The following LRP1B variants were observed in gnomAD, a reference collection of about 807,000 sequenced individuals.
LRP1B encodes the protein LDL receptor related protein 1B.
LRP1B carries 217 observed loss-of-function variants against 556.6 expected under a neutral mutation model. That is an observed-to-expected ratio of 0.39 (90% confidence interval 0.35 to 0.44). The LOEUF is 0.44. Ranked by LOEUF, LRP1B falls within the 20% of genes least tolerant of loss-of-function variation. The pLI is 1.00. For synonymous variants in LRP1B, 2,047 were observed against 1,865.8 expected, an observed-to-expected ratio of 1.10 and a Z score of -2.50; for missense variants, 5,053 against 5,620.8, an observed-to-expected ratio of 0.90 and a Z score of 3.23.
intron 89 of LRP1B, among the ~76,000 whole-genome samples, chr2:140,237,549 A>G (rs1006101907): frequency 1.3e-5 from 2 of 150,894 alleles, no homozygotes; most frequent in African/African-American, 4.8e-5. Flanking sequence ...TGATGAAAAC[A>G]AAACTATCTT....
At chr2:140,551,608 T>C (rs1245778150) in intron 43 of LRP1B, among the ~76,000 whole-genome samples, 1 of 152,198 alleles carries the variant, frequency 6.6e-6, no homozygotes, top group East Asian at 1.9e-4. Flanking sequence ...AGCAGGTTAA[T>C]GTCATTATTG....
intron 77 of LRP1B, among the ~76,000 whole-genome samples, chr2:140,345,572 G>A (rs989587133): frequency 1.3e-4 from 19 of 149,724 alleles, no homozygotes; most frequent in Middle Eastern, 3.4e-3. Flanking sequence ...TGGCTTCATA[G>A]TTTTATGTAT....
intron 1 of LRP1B, among the ~76,000 whole-genome samples, chr2:141,972,976 G>A (rs1444037737): frequency 6.6e-6 from 1 of 151,378 alleles, no homozygotes; most frequent in Non-Finnish European, 1.5e-5. Flanking sequence ...TTATTTCTAA[G>A]ATTTACCAAT....
chr2:141,545,689 A>G (rs975710498), intron 2 of LRP1B, among the ~76,000 whole-genome samples: 1 of 152,114 alleles, frequency 6.6e-6, no homozygotes, highest in African/African-American at 2.4e-5. Flanking sequence ...AAATAATAAT[A>G]GTAATAATAA....
chr2:141,561,563 G>A (rs1686153633), intron 2 of LRP1B, among the ~76,000 whole-genome samples: 1 of 151,672 alleles, frequency 6.6e-6, no homozygotes, highest in Non-Finnish European at 1.5e-5. Flanking sequence ...ACAATGACCT[G>A]GCCATTTTCA....
In LRP1B at chr2:142,045,239, G is replaced by A. The variant is rs117810562; in HGVS notation, c.82+85409C>T. On this transcript the variant is annotated intron_variant, in intron 1 of 90. Transcript: ENST00000389484. ...ATTGTACCATTCCCACAGTGCTTCAGGATTGTCTTTTAGATTTCTACTTTT... is the reference window on the plus strand; with the variant it reads ...ATTGTACCATTCCCACAGTGCTTCAAGATTGTCTTTTAGATTTCTACTTTT... 5.9e-3 allele frequency among the ~76,000 whole-genome samples: 898 copies of A among 151,518 alleles called. 13 individuals are homozygous for A. In the East Asian group the frequency reaches 0.065, roughly 11 times the overall value.
intron 41 of LRP1B, among the ~76,000 whole-genome samples, chr2:140,695,489 CTG>C (rs1686399237): frequency 6.6e-6 from 1 of 152,140 alleles, no homozygotes; most frequent in Non-Finnish European, 1.5e-5. Context: ...TTTTTAGATG[CTG>C]TCTCTCTGTA....
chr2:142,012,581 C>T (rs553000585), intron 1 of LRP1B, among the ~76,000 whole-genome samples: 20 of 152,076 alleles, frequency 1.3e-4, no homozygotes, highest in African/African-American at 4.3e-4. Context: ...AACTGATGCC[C>T]CAAGACACCA....
At chr2:140,630,647 C>T (rs752010009) in intron 41 of LRP1B, among the ~76,000 whole-genome samples, 36 of 152,074 alleles carry the variant, frequency 2.4e-4, no homozygotes, top group Non-Finnish European at 4.0e-4. Flanking sequence ...AACGTCACCA[C>T]GTTCTCACAG....
intron 11 of LRP1B, among the ~76,000 whole-genome samples, chr2:141,041,359 G>A (rs1040977916): frequency 2.6e-5 from 4 of 152,036 alleles, no homozygotes; most frequent in Non-Finnish European, 5.9e-5. Context: ...GGTTTCACCG[G>A]GCTAAAGTCT....
At chr2:140,687,465 G>T (rs1226586752) in intron 41 of LRP1B, among the ~76,000 whole-genome samples, 2 of 152,096 alleles carry the variant, frequency 1.3e-5, no homozygotes, top group African/African-American at 4.8e-5. Context: ...AAAAGATTTG[G>T]CATATAATCT....
At chr2:140,337,114 G>A (rs570807090) in intron 77 of LRP1B, among the ~76,000 whole-genome samples, 2 of 151,732 alleles carry the variant, frequency 1.3e-5, no homozygotes, top group Non-Finnish European at 2.9e-5. Flanking sequence ...AAAAGAACAC[G>A]GGATGCCAAG....
chr2:141,229,540 A>C, intron 5 of LRP1B, 100 bp from the exon 6 acceptor site: 3 of 875,608 alleles, frequency 3.4e-6, no homozygotes, highest in East Asian at 2.8e-5. Context: ...ACTTTTAATA[A>C]ATTCATAACA....
intron 1 of LRP1B, among the ~76,000 whole-genome samples, chr2:141,885,226 G>T (rs1018271297): frequency 6.6e-6 from 1 of 152,130 alleles, no homozygotes; most frequent in Non-Finnish European, 1.5e-5. Context: ...AAAGAGAGTA[G>T]ATAACAGAAA....
intron 35 of LRP1B, among the ~76,000 whole-genome samples, chr2:140,745,603 G>A (rs1028957136): frequency 2.0e-5 from 3 of 152,024 alleles, no homozygotes; most frequent in African/African-American, 7.2e-5. Context: ...CATTTTGTGA[G>A]TTCACCCTCT....
chr2:142,104,450 T>C (rs915217579), intron 1 of LRP1B, among the ~76,000 whole-genome samples: 3 of 152,162 alleles, frequency 2.0e-5, no homozygotes, highest in Non-Finnish European at 2.9e-5. Context: ...ACTGGCACCC[T>C]TTGATTTAGC....
intron 21 of LRP1B, among the ~76,000 whole-genome samples, chr2:140,914,306 G>A (rs1694510947): frequency 6.6e-6 from 1 of 152,088 alleles, no homozygotes; most frequent in African/African-American, 2.4e-5. Context: ...GGGTTATGTT[G>A]GAGATATTGC....
rs1459831587 is a variant in LRP1B, at chr2:141,100,113, C to A, written c.1014-37840G>T. Among the ~76,000 whole-genome samples the A allele has an allele frequency of 3.3e-5, 5 of 152,136 alleles. No homozygotes were observed. The East Asian group carries it at 7.7e-4, about 24-fold the overall frequency. ...TTATATCTCTTATTGCTGAACTCCC[C>A]AAAATGAAGCCAAATGACAAGATGT... On this transcript the variant is annotated intron_variant, in intron 7 of 90. Coordinates refer to ENST00000389484, the MANE Select transcript of LRP1B (RefSeq NM_018557.3).
At chr2:141,874,480 TATG>T (rs1698692845) in intron 1 of LRP1B, among the ~76,000 whole-genome samples, 1 of 151,964 alleles carries the variant, frequency 6.6e-6, no homozygotes, top group African/African-American at 2.4e-5. Flanking sequence ...TATGACTAAT[TATG>T]ATATCAGCCA....
Sources: allele counts gnomAD v4.1 joint callset (sites outside exome capture counted in the v4.1 genomes callset), GRCh38; gene constraint gnomAD v4.1.1; transcripts MANE v1.5; gene names NCBI Gene and HGNC (gene_info 2026-07-23, HGNC 2026-07-21).